The following HLA-DRB5 variants were observed in gnomAD, a reference collection of about 807,000 sequenced individuals.
HLA-DRB5 encodes the protein major histocompatibility complex, class II, DR beta 5.
A neutral mutation model predicts 22.4 loss-of-function variants in HLA-DRB5; 11 were observed. That is an observed-to-expected ratio of 0.49 (90% CI 0.31 to 0.81). The LOEUF is 0.81. Ranked by LOEUF, HLA-DRB5 falls within the 40% of genes least tolerant of loss-of-function variation. The pLI is 0.05. For missense variants in HLA-DRB5, 106 were observed against 274.4 expected (o/e 0.39, Z 4.34); for synonymous variants, 57 against 106.0 (o/e 0.54, Z 2.84).
chr6:32,519,166 T>G (rs114195502), intron 3 of HLA-DRB5, among the ~76,000 whole-genome samples: 43,504 of 67,142 alleles, frequency 0.65, 16,708 homozygotes, highest in Middle Eastern at 0.75. Context: ...AGCCTCTCCT[T>G]CCTGCCAGGA....
At chr6:32,518,327 G>A (rs191568663) in intron 4 of HLA-DRB5, among the ~76,000 whole-genome samples, 12 of 39,870 alleles carry the variant, frequency 3.0e-4, no homozygotes, top group Non-Finnish European at 5.7e-4. Flanking sequence ...CAAACCAAAG[G>A]ACCCTTAACT....
chr6:32,520,853 T>C (rs200291721), intron 2 of HLA-DRB5, among the ~76,000 whole-genome samples: 8,136 of 40,524 alleles, frequency 0.2, 72 homozygotes, highest in Middle Eastern at 0.24. Flanking sequence ...GGAGAAAATG[T>C]GGAATCAAAT....
chr6:32,529,676 C>T lies in HLA-DRB5; in HGVS notation c.100+449G>A, dbSNP rs68142406. 0.015 allele frequency among the ~76,000 whole-genome samples: 1,655 copies of T among 111,914 alleles called. 302 individuals are homozygous for T. In the South Asian group the frequency reaches 0.16, roughly 11 times the overall value. The allele number at this position is 111,914 out of a possible 152,430, so 73.4% of individuals were successfully genotyped here. A position where few individuals can be genotyped will look rare whatever the true frequency, so the allele number is the denominator to read the frequency against. On this transcript the variant is annotated intron_variant, in intron 1 of 5. Transcript: ENST00000374975. The stretch of plus-strand genomic sequence containing the variant: ...CATTCTCACATATGAGGAAGAGGAG[C>T]CAATATCACAGGTTCTGTCAAGGGC...
intron 1 of HLA-DRB5, among the ~76,000 whole-genome samples, chr6:32,524,764 G>A (rs915218607): frequency 0.079 from 5,817 of 73,226 alleles, 5 homozygotes; most frequent in Non-Finnish European, 0.11. Flanking sequence ...GGCTTGCATG[G>A]CTAGCACTGT....
In HLA-DRB5 at chr6:32,529,228, A is replaced by G. The variant is rs1435656821; in HGVS notation, c.100+897T>C. Among the ~76,000 whole-genome samples the G allele has an allele frequency of 3.8e-5, 3 of 79,006 alleles. 1 individual carries two copies. The highest frequency in any genetic ancestry group is 1.5e-4 in the African/African-American group (3 of 19,698). 51.8% of individuals were successfully genotyped at this position (79,006 alleles called of 152,430 possible). A position where few individuals can be genotyped will look rare whatever the true frequency, so the allele number is the denominator to read the frequency against. On this transcript the variant is annotated intron_variant, in intron 1 of 5. Transcript: ENST00000374975. ...CCACATTCTCTCTGTAACCCCACAC[A>G]GAGTATATAGTTTTAACCTTATCAA... is the stretch of plus-strand genomic sequence containing the variant.
intron 1 of HLA-DRB5, among the ~76,000 whole-genome samples, chr6:32,522,379 C>T: frequency 2.2e-5 from 1 of 46,344 alleles, no homozygotes; most frequent in East Asian, 3.9e-4. Context: ...GGCAGGAAAA[C>T]CCCTTCTGAT....
chr6:32,524,381 C>T (rs1218208274), intron 1 of HLA-DRB5, among the ~76,000 whole-genome samples: 1 of 126,662 alleles, frequency 7.9e-6, no homozygotes, highest in Non-Finnish European at 1.7e-5. Context: ...GAATCACAAC[C>T]ACAGCTATTT....
chr6:32,518,440 TG>T, intron 4 of HLA-DRB5, 115 bp downstream of exon 4: 2 of 334,672 alleles, frequency 6.0e-6, no homozygotes, highest in Non-Finnish European at 5.3e-6. Flanking sequence ...GGAGGTCATT[TG>T]TGGAAAGAAA....
chr6:32,524,748 C>G (rs796198553), intron 1 of HLA-DRB5, among the ~76,000 whole-genome samples: 5,076 of 84,400 alleles, frequency 0.06, 7 homozygotes, highest in East Asian at 0.14. Context: ...AAGTCACTGT[C>G]ACTGTGGCTT....
At chr6:32,521,010 G>A (rs181894010) in intron 2 of HLA-DRB5, among the ~76,000 whole-genome samples, 31 of 34,198 alleles carry the variant, frequency 9.1e-4, no homozygotes, top group Non-Finnish European at 1.1e-3. Context: ...ATTATAATTG[G>A]GCAATAAATA....
At chr6:32,529,935 C>CAAACCTCATGGAGAGGGCA (rs146725750) in intron 1 of HLA-DRB5, among the ~76,000 whole-genome samples, 190 bp downstream of exon 1, 1 of 105,026 alleles carries the variant, frequency 9.5e-6, no homozygotes, top group Non-Finnish European at 2.0e-5. Context: ...GCCCCTTACA[C>CAAACCTCATGGAGAGGGCA]AGTCTCATGG....
chr6:32,528,349 C>A (rs1362625617), intron 1 of HLA-DRB5, among the ~76,000 whole-genome samples: 1 of 93,100 alleles, frequency 1.1e-5, no homozygotes, highest in Non-Finnish European at 2.2e-5. Flanking sequence ...GAGTCGGGAC[C>A]CTCTCTATCT....
In HLA-DRB5 at chr6:32,522,058, C is replaced by G. The variant is rs118111025; in HGVS notation, c.217G>C (p.Val73Leu). The stretch of plus-strand genomic sequence containing the variant: ...TCCGTCACCGCCCGGTACTCCCCCA[C>G]GTCGCTGTCGAAGCGCAAGTCCTCC... Reference protein sequence around the residue: ...QEEDLRFDSDVGEYRAVTELG... With the variant: ...QEEDLRFDSDLGEYRAVTELG... Residue 73 changes from valine (V) to leucine (L), a missense_variant, in exon 2 of 6, where the codon GTG (valine) becomes CTG (leucine). Val to Leu is a conservative substitution (Grantham distance 32). Transcript: ENST00000374975. 0.043 allele frequency: 51,099 copies of G among 1,184,010 alleles called. 24 individuals are homozygous for G. The highest frequency in any genetic ancestry group is 0.065 in the Admixed American group (2,634 of 40,660). The allele number at this position is 1,184,010 out of a possible 1,614,324, so 73.3% of individuals were successfully genotyped here.
chr6:32,521,321 G>T (rs112634041), intron 2 of HLA-DRB5, among the ~76,000 whole-genome samples: 2,744 of 92,868 alleles, frequency 0.03, no homozygotes, highest in Admixed American at 0.039. Context: ...AAGAAATTTA[G>T]ACCTAAAGAA....
At chr6:32,529,044 TA>T (rs1769990289) in intron 1 of HLA-DRB5, among the ~76,000 whole-genome samples, 1 of 111,784 alleles carries the variant, frequency 8.9e-6, no homozygotes, top group Non-Finnish European at 2.1e-5. Flanking sequence ...TGGGGAAAAA[TA>T]GAGAGAAACT....
intron 2 of HLA-DRB5, 64 bp from the exon 3 acceptor site, chr6:32,519,715 G>T (rs866948592): frequency 0.11 from 59,380 of 517,988 alleles, 297 homozygotes; most frequent in Admixed American, 0.22. Flanking sequence ...CTTTTTGGCT[G>T]TTTGTCTGCT....
chr6:32,522,246 G>A lies in HLA-DRB5; in HGVS notation c.101-72C>T. 3.9e-6 allele frequency: 2 copies of A among 509,450 alleles called. 1 individual carries two copies. The highest frequency in any genetic ancestry group is 5.7e-6 in the Non-Finnish European group (2 of 349,092). The allele number at this position is 509,450 out of a possible 1,614,324, so 31.6% of individuals were successfully genotyped here. A position where few individuals can be genotyped will look rare whatever the true frequency, so the allele number is the denominator to read the frequency against. ...GATACTGACAGAGACGCCGCCATCC[G>A]GGGCTCCCTGGGCGGGGTGCGGGCA... On this transcript the variant is annotated intron_variant, in intron 1 of 5. Transcript: ENST00000374975.
rs1317153043 is a variant in HLA-DRB5 at position 32,522,056 on chromosome 6, C to T, written c.219G>A (p.Val73=). The T allele has an allele frequency of 2.6e-6, 4 of 1,560,602 alleles. No individual in the cohort carries two copies. The highest frequency in any genetic ancestry group is 1.1e-5 in the South Asian group (1 of 88,774). Residue 73 remains valine (V), a synonymous_variant, in exon 2 of 6, where the codon GTG becomes GTA. Transcript: ENST00000374975. ...QEEDLRFDSD[V]GEYRAVTELG... ...GCTCCGTCACCGCCCGGTACTCCCC[C>T]ACGTCGCTGTCGAAGCGCAAGTCCT... is the stretch of plus-strand genomic sequence containing the variant.
At chr6:32,524,318 T>G (rs201754127) in intron 1 of HLA-DRB5, among the ~76,000 whole-genome samples, 1 of 118,946 alleles carries the variant, frequency 8.4e-6, no homozygotes, top group East Asian at 2.2e-4. Flanking sequence ...GTCTTTCATA[T>G]CATCTTCTTT....
Sources: allele counts gnomAD v4.1 joint callset (sites outside exome capture counted in the v4.1 genomes callset), GRCh38; gene constraint gnomAD v4.1.1; transcripts MANE v1.5; gene names NCBI Gene and HGNC (gene_info 2026-07-23, HGNC 2026-07-21).